The following PCDHGA2 variants were observed in gnomAD, a reference collection of about 807,000 sequenced individuals.
The protein encoded by PCDHGA2 is protocadherin gamma subfamily A, 2.
Under a neutral mutation model 59.2 loss-of-function variants are expected in PCDHGA2, and 40 were observed. That is an observed-to-expected ratio of 0.68 (90% CI 0.52 to 0.88). The LOEUF is 0.88. Among genes scored for constraint, PCDHGA2 ranks in the 40% least tolerant of loss-of-function variants. The pLI, the probability that PCDHGA2 is intolerant of heterozygous loss-of-function variation, is 0.00. For synonymous variants in PCDHGA2, 560 were observed against 526.0 expected (o/e 1.06, Z -0.89); for missense variants, 1,226 against 1,204.0 (o/e 1.02, Z -0.27).
In PCDHGA2 at chr5:141,493,577, T is replaced by C. The variant is rs2099749081; in HGVS notation, c.2425-1230T>C. On this transcript the variant is annotated intron_variant, in intron 1 of 3. Coordinates refer to ENST00000394576, the MANE Select transcript of PCDHGA2 (RefSeq NM_018915.4). This position sits in a 1 kb window ranked among gnomAD's most constrained non-coding sequence, Gnocchi z 4.3. ...GAGTTCCCCCAGCTCCGTTTCCTCC[T>C]ATCACAATCACTGCATTTCCATGTA... Among the ~76,000 whole-genome samples, 2 of 152,208 alleles carry C rather than the reference T, an allele frequency of 1.3e-5. No homozygotes were observed. The highest frequency in any genetic ancestry group is 1.3e-4 in the Admixed American group (2 of 15,280).
At chr5:141,483,917 T>A (rs565465724) in intron 1 of PCDHGA2, among the ~76,000 whole-genome samples, 2 of 151,262 alleles carry the variant, frequency 1.3e-5, no homozygotes, top group South Asian at 4.2e-4. Context: ...CCCACTCAGA[T>A]TGCAGGTCGT....
rs765534200 is a variant in PCDHGA2 at position 141,410,067 on chromosome 5, G to A, written c.2424+68672G>A. 8.1e-6 allele frequency: 13 copies of A among 1,612,846 alleles called. No individual in the cohort carries two copies. In the South Asian group the frequency reaches 1.3e-4, roughly 16 times the overall value. ...CCCGGACTCTTCAGCCTGGGGCTGC[G>A]CACTGGGGAGGTGCGCACGGCTCGA... is the stretch of plus-strand genomic sequence containing the variant. On this transcript the variant is annotated intron_variant, in intron 1 of 3. Transcript: ENST00000394576.
intron 1 of PCDHGA2, among the ~76,000 whole-genome samples, chr5:141,359,492 G>A (rs1040893615): frequency 4.0e-5 from 6 of 149,576 alleles, no homozygotes; most frequent in East Asian, 1.9e-4. Context: ...TTCATATTAC[G>A]GACTACTAGA....
At chr5:141,364,463 G>T (rs1561530846) in intron 1 of PCDHGA2, 2 of 1,614,000 alleles carry the variant, frequency 1.2e-6, no homozygotes, top group Admixed American at 1.7e-5. Context: ...AGGCTCCTTC[G>T]TCGGCAACAT....
chr5:141,500,345 A>G (rs1459262760), intron 2 of PCDHGA2, among the ~76,000 whole-genome samples: 3 of 151,916 alleles, frequency 2.0e-5, no homozygotes, highest in Non-Finnish European at 4.4e-5. Context: ...AATAGCTGGG[A>G]CTACAGGCGC....
chr5:141,374,208 G>T (rs777295061), intron 1 of PCDHGA2: 11 of 1,613,952 alleles, frequency 6.8e-6, no homozygotes, highest in South Asian at 3.3e-5. Flanking sequence ...CTGGAGAAAG[G>T]CTCCTTCGTA....
intron 1 of PCDHGA2, chr5:141,344,976 T>C: frequency 6.2e-7 from 1 of 1,613,898 alleles, no homozygotes; most frequent in Non-Finnish European, 8.5e-7. Flanking sequence ...TGCCATGTTC[T>C]ATGAAATTAA....
chr5:141,511,560 T>C lies in PCDHGA2; in HGVS notation c.*387T>C. ...CCACCCCACTCCAACAGTTCCTCTT[T>C]CCCGAGTAAGGTGGTTGGGGTGTTG... On this transcript the variant is annotated 3_prime_UTR_variant, in exon 4 of 4. Coordinates refer to ENST00000394576, the MANE Select transcript of PCDHGA2 (RefSeq NM_018915.4). The C allele has an allele frequency of 3.3e-6, 1 of 298,990 alleles. No homozygotes were observed. The highest frequency in any genetic ancestry group is 3.7e-5 in the South Asian group (1 of 27,250). The allele number at this position is 298,990 out of a possible 1,614,324, so 18.5% of individuals were successfully genotyped here.
intron 1 of PCDHGA2, chr5:141,355,975 A>C (rs1283437622): frequency 6.2e-7 from 1 of 1,613,828 alleles, no homozygotes; most frequent in Admixed American, 1.7e-5. Context: ...TCCTGTAGGC[A>C]CTCGGCTACT....
chr5:141,393,634 A>G (rs1589198700), intron 1 of PCDHGA2: 3 of 1,613,848 alleles, frequency 1.9e-6, no homozygotes, highest in African/African-American at 2.7e-5. Flanking sequence ...GAGGGAATCA[A>G]CGGAAAAGTG....
At chr5:141,421,489 G>T (rs754141447) in intron 1 of PCDHGA2, 9 of 1,614,094 alleles carry the variant, frequency 5.6e-6, no homozygotes, top group Non-Finnish European at 7.6e-6. Context: ...CTTGATCACG[G>T]CAGGCAGGAT....
At chr5:141,401,058 T>A (rs967099811) in intron 1 of PCDHGA2, among the ~76,000 whole-genome samples, 1 of 152,236 alleles carries the variant, frequency 6.6e-6, no homozygotes, top group African/African-American at 2.4e-5. Flanking sequence ...AAATACTATA[T>A]GTTGGCTGGG....
In PCDHGA2 at chr5:141,491,835, G is replaced by C; in HGVS notation, c.2425-2972G>C. On this transcript the variant is annotated intron_variant, in intron 1 of 3. Coordinates refer to ENST00000394576, the MANE Select transcript of PCDHGA2 (RefSeq NM_018915.4). The surrounding 1 kb of genome is among the most constrained non-coding windows in gnomAD (Gnocchi z 6.9). The stretch of plus-strand genomic sequence containing the variant: ...GCTGGCTGCGCTCCACCCGATTCTC[G>C]GGATCATTGGACCGTTTGCGCGAAA... 1 of 1,473,258 alleles carries C rather than the reference G, an allele frequency of 6.8e-7. No individual in the cohort carries two copies. The highest frequency in any genetic ancestry group is 9.0e-7 in the Non-Finnish European group (1 of 1,112,098). The allele number at this position is 1,473,258 out of a possible 1,614,324, so 91.3% of individuals were successfully genotyped here.
chr5:141,346,617 G>A (rs559786275), intron 1 of PCDHGA2: 2 of 1,075,714 alleles, frequency 1.9e-6, no homozygotes, highest in South Asian at 1.7e-5. Context: ...TAGTAGGACT[G>A]CACTCCCCGG....
intron 1 of PCDHGA2, among the ~76,000 whole-genome samples, chr5:141,425,605 A>G (rs1229246680): frequency 6.6e-6 from 1 of 152,230 alleles, no homozygotes; most frequent in Non-Finnish European, 1.5e-5. Context: ...TGCCCTATAT[A>G]GCTTTCAGTG....
At chr5:141,380,525 A>T (rs904711647) in intron 1 of PCDHGA2, among the ~76,000 whole-genome samples, 3 of 152,206 alleles carry the variant, frequency 2.0e-5, no homozygotes, top group Non-Finnish European at 1.5e-5. Context: ...CTATGAAATG[A>T]TTTCAATTTG....
chr5:141,428,186 C>CCGCTCTCTG, intron 1 of PCDHGA2: 2 of 1,460,956 alleles, frequency 1.4e-6, no homozygotes, highest in Non-Finnish European at 1.9e-6. Flanking sequence ...AGGACAGCCG[C>CCGCTCTCTG]CGCTCTCTGC....
At chr5:141,388,887 G>T (rs1445900617) in intron 1 of PCDHGA2, 1 of 1,613,988 alleles carries the variant, frequency 6.2e-7, no homozygotes, top group South Asian at 1.1e-5. Context: ...GGAGGTAGAA[G>T]TCATAGATGA....
At chr5:141,498,796 G>A (rs1160540093) in intron 2 of PCDHGA2, among the ~76,000 whole-genome samples, 1 of 152,032 alleles carries the variant, frequency 6.6e-6, no homozygotes, top group Non-Finnish European at 1.5e-5. Context: ...AGCCAGGTGT[G>A]GTGGTGCACA....
Sources: allele counts gnomAD v4.1 joint callset (sites outside exome capture counted in the v4.1 genomes callset), GRCh38; gene constraint gnomAD v4.1.1; non-coding constraint Gnocchi (gnomAD v3.1); transcripts MANE v1.5; gene names NCBI Gene and HGNC (gene_info 2026-07-23, HGNC 2026-07-21).